Variants in MYB observed in about 807,000 individuals in gnomAD.
MYB encodes MYB proto-oncogene, transcription factor, also known as transcriptional activator Myb.
A neutral mutation model predicts 92.9 loss-of-function variants in MYB; 28 were observed. That is an observed-to-expected ratio of 0.30 (90% CI 0.22 to 0.41). The LOEUF (loss-of-function observed/expected upper bound fraction) is 0.41, where lower values mean the gene tolerates loss of function less well. MYB is among the 10% of genes least tolerant of loss of function. The pLI is 1.00. For synonymous variants in MYB, 295 were observed against 329.1 expected, an observed-to-expected ratio of 0.90 and a Z score of 1.12; for missense variants, 679 against 929.3, an observed-to-expected ratio of 0.73 and a Z score of 3.50.
intron 3 of MYB, 143 bp from the exon 4 acceptor site, chr6:135,189,648 G>A (rs1422902291): frequency 3.2e-6 from 2 of 632,642 alleles, no homozygotes; most frequent in Admixed American, 2.9e-5. Flanking sequence ...TAAGTAATGA[G>A]GGATAGATGG....
At chr6:135,210,796 A>G (rs1023673975) in intron 15 of MYB, among the ~76,000 whole-genome samples, 2 of 152,252 alleles carry the variant, frequency 1.3e-5, no homozygotes, top group African/African-American at 2.4e-5. Context: ...TGCTTTCAAG[A>G]TGGCGGCACA....
intron 15 of MYB, among the ~76,000 whole-genome samples, chr6:135,206,399 TA>T (rs1372437400): frequency 1.3e-5 from 2 of 150,284 alleles, no homozygotes; most frequent in Admixed American, 6.6e-5. Context: ...ACCTTGTCTC[TA>T]AAAAAAATTT....
At chr6:135,204,407 T>C (rs1778577841) in intron 15 of MYB, among the ~76,000 whole-genome samples, 1 of 152,204 alleles carries the variant, frequency 6.6e-6, no homozygotes, top group South Asian at 2.1e-4. Flanking sequence ...CAAGTGATTC[T>C]TATGCCTCAG....
chr6:135,212,832 AT>A (rs1014199126), intron 15 of MYB, among the ~76,000 whole-genome samples: 2 of 152,234 alleles, frequency 1.3e-5, no homozygotes, highest in Non-Finnish European at 2.9e-5. Context: ...GTATGACAGT[AT>A]TTAAAAATGT....
chr6:135,211,697 G>A (rs180848767), intron 15 of MYB, among the ~76,000 whole-genome samples: 51 of 152,240 alleles, frequency 3.3e-4, no homozygotes, highest in African/African-American at 1.2e-3. Context: ...TAGAGACATC[G>A]GGGACAAACT....
chr6:135,202,991 C>T, intron 14 of MYB: 1 of 700,272 alleles, frequency 1.4e-6, no homozygotes, highest in East Asian at 2.7e-5. Context: ...TCTGGGATCC[C>T]AAAGGAGCTT....
rs1475366346 is a variant in MYB at position 135,215,008 on chromosome 6, A to T, written c.2170-2856A>T. On this transcript the variant is annotated intron_variant, in intron 15 of 15. Coordinates refer to ENST00000341911, the MANE Select transcript of MYB (RefSeq NM_001130173.2). ...TACTCAGTTCCTGGAAAATATTATGATAATCCATCTTGCTATGTAGTATTT... is the reference window on the plus strand; with the variant it reads ...TACTCAGTTCCTGGAAAATATTATGTTAATCCATCTTGCTATGTAGTATTT... 9.8e-5 allele frequency among the ~76,000 whole-genome samples: 15 copies of T among 152,342 alleles called. No individual in the cohort carries two copies. In the East Asian group the frequency reaches 2.9e-3, roughly 29 times the overall value.
chr6:135,202,412 A>C (rs1032033715), intron 14 of MYB: 1 of 155,624 alleles, frequency 6.4e-6, no homozygotes, highest in African/African-American at 2.4e-5. Context: ...CTTGTTGCCC[A>C]GACTGGAGTG....
chr6:135,210,929 G>GT (rs1779620628), intron 15 of MYB, among the ~76,000 whole-genome samples: 1 of 151,792 alleles, frequency 6.6e-6, no homozygotes, highest in Non-Finnish European at 1.5e-5. Flanking sequence ...GTTTTTGTTT[G>GT]TTTTTTTCAT....
In MYB at chr6:135,197,157, T is replaced by TA; in HGVS notation, c.1401dup (p.Pro468ThrfsTer29). On this transcript the variant is annotated frameshift_variant, in exon 10 of 16. Transcript: ENST00000341911. LOFTEE classifies it high-confidence loss of function. ...AGTTCACTTGACCCACCCAAGGTCT[T>TA]ACCTCCTGCAAGGCACAGCACAATT... The TA allele has an allele frequency of 1.2e-6, 2 of 1,613,978 alleles. No homozygotes were observed. The highest frequency in any genetic ancestry group is 4.5e-5 in the East Asian group (2 of 44,886).
At chr6:135,203,392 T>TGGG (rs1778412138) in intron 15 of MYB, 68 bp downstream of exon 15, 2 of 1,252,032 alleles carry the variant, frequency 1.6e-6, no homozygotes, top group Non-Finnish European at 2.3e-6. Context: ...TTGGTGGTGG[T>TGGG]GGTGGTGGTG....
At chr6:135,208,070 TTTTTTTTTTAA>T (rs1464199382) in intron 15 of MYB, among the ~76,000 whole-genome samples, 3 of 139,756 alleles carry the variant, frequency 2.1e-5, no homozygotes, top group Admixed American at 7.4e-5. Context: ...TATTTTTTAA[TTTTTTTTTTAA>T]TTTTTTTTTT....
chr6:135,207,086 T>C (rs1779048930), intron 15 of MYB, among the ~76,000 whole-genome samples: 1 of 152,198 alleles, frequency 6.6e-6, no homozygotes, highest in Non-Finnish European at 1.5e-5. Flanking sequence ...ATAATCCAAT[T>C]TGACCTAATT....
Position 135,211,561 on chromosome 6 carries a change from G to GTCTTAA in MYB, c.2170-6295_2170-6290dup, listed in dbSNP as rs1473040803. On this transcript the variant is annotated intron_variant, in intron 15 of 15. Transcript: ENST00000341911. ...TTGCTTTAGAGCAATTTGGCACTTG[G>GTCTTAA]TCTTAATCTTAATAGTTTGGAACTC... 2.6e-5 allele frequency among the ~76,000 whole-genome samples: 4 copies of GTCTTAA among 152,104 alleles called. No individual in the cohort carries two copies. In the East Asian group the frequency reaches 7.7e-4, roughly 29 times the overall value.
chr6:135,203,918 A>C, intron 15 of MYB: 1 of 1,131,702 alleles, frequency 8.8e-7, no homozygotes, highest in Non-Finnish European at 1.1e-6. Context: ...TGTGTTGATG[A>C]AATATAACCA....
chr6:135,203,086 T>G, intron 14 of MYB, 131 bp from the exon 15 acceptor site: 1 of 728,064 alleles, frequency 1.4e-6, no homozygotes, highest in Non-Finnish European at 2.4e-6. Flanking sequence ...GGAGAATTTC[T>G]GGCAGATGAC....
chr6:135,193,887 A>T lies in MYB; in HGVS notation c.812A>T (p.Asn271Ile). 6.2e-7 allele frequency: 1 copy of T among 1,613,122 alleles called. No individual in the cohort carries two copies. The highest frequency in any genetic ancestry group is 8.5e-7 in the Non-Finnish European group (1 of 1,179,102). Residue 271 changes from asparagine (N) to isoleucine (I), a missense_variant, in exon 7 of 16, where the codon AAT becomes ATT. This residue lies in a region of MYB where 43 missense variants were observed against 87.9 expected (regional missense o/e 0.49). Transcript: ENST00000341911. ...YPVALHVNIV[N>I]VPQPAAAAIQ... ...GTAGCGTTACATGTAAATATAGTCA[A>T]TGTCCCTCAGCCAGCTGCCGCAGCC...
chr6:135,195,904 G>T lies in MYB; in HGVS notation c.1105G>T (p.Ala369Ser). The T allele has an allele frequency of 6.2e-7, 1 of 1,614,100 alleles. No individual in the cohort carries two copies. Among genetic ancestry groups the T allele is most frequent in the Non-Finnish European group, 8.5e-7 (1 of 1,180,016 alleles). Residue 369 changes from alanine to serine, a missense_variant, in exon 9 of 16, where the codon GCC (alanine) becomes TCC (serine). Transcript: ENST00000341911. ...ADPGSLPEES[A>S]SPARCMIVHQ... is the part of the protein sequence containing the mutation. Reference sequence around the variant, plus strand: ...TCCTGGCTCCCTACCTGAAGAAAGCGCCTCGCCAGCAAGGTGCATGATCGT... The same window carrying T: ...TCCTGGCTCCCTACCTGAAGAAAGCTCCTCGCCAGCAAGGTGCATGATCGT...
intron 13 of MYB, 127 bp downstream of exon 13, chr6:135,200,542 A>G (rs1357278801): frequency 7.1e-7 from 1 of 1,406,646 alleles, no homozygotes; most frequent in African/African-American, 1.4e-5. Context: ...ATTTTCATAC[A>G]AGGTGCAGCG....
Sources: allele counts gnomAD v4.1 joint callset (sites outside exome capture counted in the v4.1 genomes callset), GRCh38; gene constraint gnomAD v4.1.1; regional missense constraint gnomAD v4.1.1; transcripts MANE v1.5; gene names NCBI Gene and HGNC (gene_info 2026-07-23, HGNC 2026-07-21).